COL12A1: variants seen among roughly 807,000 people sequenced by gnomAD.
COL12A1 encodes the protein collagen type XII alpha 1 chain, also known as collagen alpha-1(XII) chain.
COL12A1 carries 114 observed loss-of-function variants against 349.7 expected under a neutral mutation model. The ratio of observed to expected loss-of-function variants is 0.33; its 90% CI spans 0.28 to 0.38. The LOEUF is 0.38. Ranked by LOEUF, COL12A1 falls within the 10% of genes least tolerant of loss-of-function variation. The pLI is 1.00. For synonymous variants in COL12A1, 1,369 were observed against 1,329.0 expected (o/e 1.03, Z -0.66); for missense variants, 3,284 against 3,756.9 (o/e 0.87, Z 3.29).
Position 75,188,404 on chromosome 6 carries a change from C to T in COL12A1, c.955G>A (p.Gly319Ser). The T allele has an allele frequency of 6.2e-7, 1 of 1,613,532 alleles. No individual in the cohort carries two copies. Among genetic ancestry groups the T allele is most frequent in the Non-Finnish European group, 8.5e-7 (1 of 1,179,650 alleles). Residue 319 changes from glycine to serine, a missense_variant, in exon 8 of 66, where the codon GGT (glycine) becomes AGT (serine). Physicochemically the swap from Gly to Ser is moderately conservative, Grantham distance 56 (BLOSUM62 0). Transcript: ENST00000322507. ...QNEIISQVCSGVDEQLGELVS... is the reference protein window; with the variant it reads ...QNEIISQVCSSVDEQLGELVS... ...AATTCACCAAGTTGTTCATCAACAC[C>T]TGAGCACACCTGGGAGATGATCTCA... is the stretch of plus-strand genomic sequence containing the variant.
At chr6:75,092,377 C>G (rs76201530) in intron 60 of COL12A1, among the ~76,000 whole-genome samples, 101 of 152,094 alleles carry the variant, frequency 6.6e-4, no homozygotes, top group African/African-American at 2.4e-3. Context: ...AAAAAAGAAA[C>G]TGGGTTTTTC....
At chr6:75,187,743 G>A (rs906078562) in intron 8 of COL12A1, among the ~76,000 whole-genome samples, 1 of 152,054 alleles carries the variant, frequency 6.6e-6, no homozygotes, top group African/African-American at 2.4e-5. Flanking sequence ...AACAATGATG[G>A]AAAAATATAA....
At position 75,086,541 on chromosome 6, in the gene COL12A1, A is replaced by G. The variant is rs2149321114; in HGVS notation, c.*6T>C. ...TGTAAGCAGCACTGGCGACTTAGAA[A>G]ATGTGTTAGCCGGAACCTGAAACAG... is the stretch of plus-strand genomic sequence containing the variant. On this transcript the variant is annotated 3_prime_UTR_variant, in exon 66 of 66. Coordinates refer to ENST00000322507, the MANE Select transcript of COL12A1 (RefSeq NM_004370.6). 6.2e-7 allele frequency: 1 copy of G among 1,607,710 alleles called. No individual in the cohort carries two copies. The highest frequency in any genetic ancestry group is 8.5e-7 in the Non-Finnish European group (1 of 1,176,338).
At chr6:75,137,232 T>A (rs968977072) in intron 31 of COL12A1, among the ~76,000 whole-genome samples, 1 of 152,092 alleles carries the variant, frequency 6.6e-6, no homozygotes, top group African/African-American at 2.4e-5. Context: ...AGAACAACTA[T>A]CATCTCTCAT....
rs931386545 is a variant in COL12A1 at position 75,205,941 on chromosome 6, G to A, written c.-200C>T. On this transcript the variant is annotated 5_prime_UTR_variant, in exon 1 of 66. Transcript: ENST00000322507. ...GGGCAGCTGCGGGGAAGTCCAGGAG[G>A]AGGAGGAGAATCCCAGGAGGAGAGG... 5 of 153,474 alleles carry A rather than the reference G, an allele frequency of 3.3e-5. No homozygotes were observed. The highest frequency in any genetic ancestry group is 1.2e-4 in the African/African-American group (5 of 41,498). The allele number at this position is 153,474 out of a possible 1,614,324, so 9.5% of individuals were successfully genotyped here.
chr6:75,095,343 C>T (rs1324723567), intron 59 of COL12A1, among the ~76,000 whole-genome samples, 164 bp from the exon 60 acceptor site: 3 of 152,160 alleles, frequency 2.0e-5, no homozygotes, highest in East Asian at 1.9e-4. Flanking sequence ...TAGGGCCGGG[C>T]GCGGTGGCTC....
At chr6:75,127,896 T>C (rs1225349972) in intron 38 of COL12A1, among the ~76,000 whole-genome samples, 1 of 152,224 alleles carries the variant, frequency 6.6e-6, no homozygotes, top group Non-Finnish European at 1.5e-5. Context: ...ATCTCATTTC[T>C]GTATTTATGG....
chr6:75,120,764 AAATAT>A (rs1183621745), intron 44 of COL12A1, among the ~76,000 whole-genome samples: 1 of 152,202 alleles, frequency 6.6e-6, no homozygotes, highest in Non-Finnish European at 1.5e-5. Context: ...TCAGTATAAC[AAATAT>A]ATTTGGAGTG....
chr6:75,183,239 C>G lies in COL12A1; in HGVS notation c.1702G>C (p.Asp568His). 6.2e-7 allele frequency: 1 copy of G among 1,614,182 alleles called. No individual in the cohort carries two copies. Residue 568 changes from aspartate to histidine, a missense_variant, in exon 10 of 66, where the codon GAT (aspartate) becomes CAT (histidine). By Grantham distance (81) the Asp-to-His change is moderately conservative (BLOSUM62 -1). Around this residue, in one of 2 missense-constraint regions of COL12A1, gnomAD observed 2,601 missense variants for 2,824.8 expected, o/e 0.92. Coordinates refer to ENST00000322507, the MANE Select transcript of COL12A1 (RefSeq NM_004370.6). ...RDPAIKLRNS[D>H]VEIFAVGVKD... Reference sequence around the variant, plus strand: ...ACACCAACTGCAAAGATTTCAACATCTGAATTCCTCAGTTTTATCGCAGGA... The same window carrying G: ...ACACCAACTGCAAAGATTTCAACATGTGAATTCCTCAGTTTTATCGCAGGA...
chr6:75,121,418 T>C lies in COL12A1; in HGVS notation c.6970A>G (p.Ile2324Val). ...RDVCKGAKAD[I>V]VFLTDASWSI... ...CAGGAGGCATCAGTCAAGAACACAATATCTGCCTTGGCCCCTTTGCATACT... is the reference window on the plus strand; with the variant it reads ...CAGGAGGCATCAGTCAAGAACACAACATCTGCCTTGGCCCCTTTGCATACT... The change falls in exon 44 of 66, where the codon ATT (isoleucine) becomes GTT (valine). Residue 2324 changes from isoleucine (I) to valine (V), a missense_variant. Transcript: ENST00000322507. 1.2e-6 allele frequency: 2 copies of C among 1,603,390 alleles called. No individual in the cohort carries two copies. The highest frequency in any genetic ancestry group is 1.7e-6 in the Non-Finnish European group (2 of 1,172,554).
intron 8 of COL12A1, among the ~76,000 whole-genome samples, chr6:75,186,641 C>A (rs2149471335): frequency 6.6e-6 from 1 of 152,268 alleles, no homozygotes; most frequent in African/African-American, 2.4e-5. Context: ...GAATATAAAT[C>A]ATCCTATTAT....
At chr6:75,112,085 T>C (rs1768867208) in intron 51 of COL12A1, among the ~76,000 whole-genome samples, 1 of 151,814 alleles carries the variant, frequency 6.6e-6, no homozygotes, top group Admixed American at 6.6e-5. Context: ...CATGCCACAC[T>C]GGAGAAATTT....
intron 26 of COL12A1, among the ~76,000 whole-genome samples, chr6:75,142,480 G>T (rs933581257): frequency 6.6e-6 from 1 of 151,926 alleles, no homozygotes. Flanking sequence ...GGTCTCTTAC[G>T]CACAGCATTA....
rs768037406 is a variant in COL12A1, at chr6:75,132,087, G to A, written c.5795-5C>T. The A allele has an allele frequency of 1.9e-5, 30 of 1,612,818 alleles. No homozygotes were observed. In the East Asian group the frequency reaches 6.7e-4, roughly 36 times the overall value. On this transcript the variant is annotated splice_polypyrimidine_tract_variant and splice_region_variant and intron_variant, in intron 34 of 65. Transcript: ENST00000322507. ...TTCTTGCCAGTCCTCTCATCACTGA[G>A]GAAATGAAGGCCAACATCTATTTTT...
At chr6:75,095,588 C>T (rs1422750497) in intron 59 of COL12A1, among the ~76,000 whole-genome samples, 3 of 139,368 alleles carry the variant, frequency 2.2e-5, no homozygotes, top group African/African-American at 8.2e-5. Flanking sequence ...CTGCAGTCCG[C>T]AGTCCGGCCT....
intron 31 of COL12A1, among the ~76,000 whole-genome samples, chr6:75,135,324 G>C (rs1329049863): frequency 6.6e-6 from 1 of 152,078 alleles, no homozygotes. Context: ...ACAGTATAAA[G>C]CTCTTGGTGT....
intron 58 of COL12A1, among the ~76,000 whole-genome samples, chr6:75,100,022 C>A (rs1030708354): frequency 9.2e-5 from 14 of 152,248 alleles, no homozygotes; most frequent in Admixed American, 3.9e-4. Flanking sequence ...AGCTATGCAC[C>A]CTCCTTTTTG....
chr6:75,148,664 A>G (rs945379633), intron 21 of COL12A1, among the ~76,000 whole-genome samples, 167 bp from the exon 22 acceptor site: 7 of 152,192 alleles, frequency 4.6e-5, no homozygotes, highest in Non-Finnish European at 8.8e-5. Context: ...CATCACCTGT[A>G]AGACCGTTAT....
At chr6:75,103,847 G>A (rs1428252242) in intron 54 of COL12A1, 37 bp from the exon 55 acceptor site, 36 of 1,513,814 alleles carry the variant, frequency 2.4e-5, no homozygotes, top group Non-Finnish European at 3.1e-5. Context: ...GTGAACATAG[G>A]AAAATAGGAG....
Sources: allele counts gnomAD v4.1 joint callset (sites outside exome capture counted in the v4.1 genomes callset), GRCh38; gene constraint gnomAD v4.1.1; regional missense constraint gnomAD v4.1.1; transcripts MANE v1.5; gene names NCBI Gene and HGNC (gene_info 2026-07-23, HGNC 2026-07-21).